The following TMEM132B variants were observed in gnomAD, a reference collection of about 807,000 sequenced individuals.
The protein encoded by TMEM132B is transmembrane protein 132B.
Under a neutral mutation model 90.8 loss-of-function variants are expected in TMEM132B, and 18 were observed. That is an observed-to-expected ratio of 0.20 (90% CI 0.14 to 0.29). TMEM132B has a LOEUF of 0.29. Among genes scored for constraint, TMEM132B ranks in the 10% least tolerant of loss-of-function variants. The probability of loss-of-function intolerance (pLI) is 1.00; values close to 1 mark genes in which losing one functional copy is unlikely to be tolerated. For missense variants in TMEM132B, 1,096 were observed against 1,326.8 expected, an observed-to-expected ratio of 0.83 and a Z score of 2.70; for synonymous variants, 504 against 523.3, an observed-to-expected ratio of 0.96 and a Z score of 0.50.
rs201319756 is a variant in TMEM132B, at chr12:125,332,426, A to AT, written c.68-17017dup. ...TTTTACTTTCTTTTATTCTTCATCA[A>AT]TTTTTTTTTCCCACAGACTTCTGTC... On this transcript the variant is annotated intron_variant, in intron 1 of 8. Coordinates refer to ENST00000682704, the MANE Select transcript of TMEM132B (RefSeq NM_001366854.1). Among the ~76,000 whole-genome samples the AT allele has an allele frequency of 1.0e-2, 1,503 of 150,928 alleles. 25 individuals carry two copies. The highest frequency in any genetic ancestry group is 0.035 in the African/African-American group (1,431 of 41,188).
intron 1 of TMEM132B, among the ~76,000 whole-genome samples, chr12:125,321,034 C>T (rs1383270789): frequency 1.3e-5 from 2 of 152,222 alleles, no homozygotes; most frequent in Non-Finnish European, 2.9e-5. Flanking sequence ...GATCCTGCCC[C>T]AGGCTCCGCT....
intron 1 of TMEM132B, among the ~76,000 whole-genome samples, chr12:125,200,629 G>T (rs1873033907): frequency 6.6e-6 from 1 of 152,228 alleles, no homozygotes; most frequent in Admixed American, 6.5e-5. Flanking sequence ...GTAGGGATCA[G>T]CACCCACTGA....
Position 125,650,921 on chromosome 12 carries a change from G to A in TMEM132B, c.1882G>A (p.Ala628Thr). The change falls in exon 7 of 9, where the codon GCT becomes ACT. Residue 628 changes from alanine to threonine, a missense_variant. By Grantham distance (58) the Ala-to-Thr change is moderately conservative. Coordinates refer to ENST00000682704, the MANE Select transcript of TMEM132B (RefSeq NM_001366854.1). ...IAQLQDGRTL[A>T]GREPGITTVQ... The stretch of plus-strand genomic sequence containing the variant: ...TCAGTTACAGGACGGCAGGACCCTG[G>A]CTGGTCGGGAGCCGGGAATAACCAC... 1 of 1,612,988 alleles carries A rather than the reference G, an allele frequency of 6.2e-7. No homozygotes were observed. Among genetic ancestry groups the A allele is most frequent in the East Asian group, 2.2e-5 (1 of 44,876 alleles).
chr12:125,202,947 G>T (rs549892397), intron 1 of TMEM132B, among the ~76,000 whole-genome samples: 5 of 152,206 alleles, frequency 3.3e-5, no homozygotes, highest in African/African-American at 9.6e-5. Flanking sequence ...TCTTAATTGG[G>T]TTTCTTTCAC....
At chr12:125,357,273 T>C (rs56785017) in intron 2 of TMEM132B, among the ~76,000 whole-genome samples, 1,886 of 152,328 alleles carry the variant, frequency 0.012, 43 homozygotes, top group African/African-American at 0.042. Flanking sequence ...TGTAATGTGA[T>C]TACTGATTCG....
intron 2 of TMEM132B, among the ~76,000 whole-genome samples, chr12:125,392,535 G>A (rs1027484397): frequency 6.6e-6 from 1 of 152,214 alleles, no homozygotes; most frequent in Non-Finnish European, 1.5e-5. Context: ...CCTAGGCATC[G>A]GGGTCTGGAG....
chr12:125,348,108 T>TA (rs1877420753), intron 1 of TMEM132B, among the ~76,000 whole-genome samples: 1 of 149,860 alleles, frequency 6.7e-6, no homozygotes, highest in African/African-American at 2.5e-5. Context: ...TTGTTTTTTT[T>TA]ACACTTTATT....
At chr12:125,595,562 G>T (rs1885420031) in intron 5 of TMEM132B, among the ~76,000 whole-genome samples, 1 of 152,136 alleles carries the variant, frequency 6.6e-6, no homozygotes, top group East Asian at 1.9e-4. Context: ...AAGTAACTGT[G>T]GTTTCTGCTA....
chr12:125,317,232 A>G (rs756739054), intron 1 of TMEM132B, among the ~76,000 whole-genome samples: 1 of 152,084 alleles, frequency 6.6e-6, no homozygotes, highest in Non-Finnish European at 1.5e-5. Context: ...TGAGAGGATT[A>G]GCATGGGTTG....
intron 4 of TMEM132B, among the ~76,000 whole-genome samples, chr12:125,561,881 A>G (rs1394593314): frequency 6.6e-6 from 1 of 152,176 alleles, no homozygotes. Context: ...GTAAATGAGC[A>G]CTGGCTTCAA....
intron 3 of TMEM132B, among the ~76,000 whole-genome samples, chr12:125,462,273 C>T (rs1881457132): frequency 6.6e-6 from 1 of 152,136 alleles, no homozygotes; most frequent in Non-Finnish European, 1.5e-5. Context: ...GACTCTTAGC[C>T]AATTTGATTC....
chr12:125,620,044 C>T (rs972561770), intron 5 of TMEM132B, among the ~76,000 whole-genome samples: 2 of 152,128 alleles, frequency 1.3e-5, no homozygotes, highest in East Asian at 3.9e-4. Flanking sequence ...GTAAGATGGG[C>T]ATCTTAATGG....
intron 1 of TMEM132B, among the ~76,000 whole-genome samples, chr12:125,199,458 T>C (rs1873005509): frequency 6.6e-6 from 1 of 152,074 alleles, no homozygotes; most frequent in South Asian, 2.1e-4. Flanking sequence ...GTTTGTAGGT[T>C]CTGGGGGGCT....
At chr12:125,451,084 A>G (rs1187530399) in intron 3 of TMEM132B, among the ~76,000 whole-genome samples, 3 of 152,210 alleles carry the variant, frequency 2.0e-5, no homozygotes, top group Non-Finnish European at 4.4e-5. Flanking sequence ...AAAGGAGACT[A>G]AAGGGATATG....
At chr12:125,311,253 G>A (rs184441254) in intron 1 of TMEM132B, among the ~76,000 whole-genome samples, 336 of 152,316 alleles carry the variant, frequency 2.2e-3, no homozygotes, top group Non-Finnish European at 3.6e-3. Context: ...CCGGGTCACC[G>A]TTACAAGAGC....
chr12:125,226,217 A>G lies in TMEM132B; in HGVS notation c.67+39351A>G, dbSNP rs1036694232. Among the ~76,000 whole-genome samples the G allele has an allele frequency of 1.4e-4, 21 of 152,316 alleles. 1 individual carries two copies. Among genetic ancestry groups the G allele is most frequent in the Admixed American group, 2.0e-4 (3 of 15,302 alleles). Reference sequence around the variant, plus strand: ...TCAAATTTGCATACGACAGAGTCACACAGAGTTGTGACAGAGCAAATAAAG... The same window carrying G: ...TCAAATTTGCATACGACAGAGTCACGCAGAGTTGTGACAGAGCAAATAAAG... On this transcript the variant is annotated intron_variant, in intron 1 of 8. Coordinates refer to ENST00000682704, the MANE Select transcript of TMEM132B (RefSeq NM_001366854.1).
In TMEM132B at chr12:125,660,809, T is replaced by C. The variant is rs564758808; in HGVS notation, c.*6099T>C. 1.1e-4 allele frequency: 16 copies of C among 152,216 alleles called. No homozygotes were observed. Among genetic ancestry groups the C allele is most frequent in the Non-Finnish European group, 1.9e-4 (13 of 68,044 alleles). 9.4% of individuals were successfully genotyped at this position (152,216 alleles called of 1,614,324 possible). A position where few individuals can be genotyped will look rare whatever the true frequency, so the allele number is the denominator to read the frequency against. On this transcript the variant is annotated 3_prime_UTR_variant, in exon 9 of 9. Transcript: ENST00000682704. The stretch of plus-strand genomic sequence containing the variant: ...CTTGGTCAGTTGTTCAAATGAAACA[T>C]TGTAATTTCATGTTAACGACAAGAG...
In TMEM132B at chr12:125,201,108, T is replaced by G. The variant is rs1593039424; in HGVS notation, c.67+14242T>G. Among the ~76,000 whole-genome samples, 4 of 152,250 alleles carry G rather than the reference T, an allele frequency of 2.6e-5. No homozygotes were observed. The South Asian group carries it at 8.3e-4, about 32-fold the overall frequency. On this transcript the variant is annotated intron_variant, in intron 1 of 8. Transcript: ENST00000682704. The stretch of plus-strand genomic sequence containing the variant: ...TTCTCTCTCCACCCACCACCCCCCA[T>G]GCCCAGCCCAGTTAAGTGTTTCTCT...
rs145040383 is a variant in TMEM132B, at chr12:125,573,461, C to A, written c.1294-10390C>A. On this transcript the variant is annotated intron_variant, in intron 4 of 8. Coordinates refer to ENST00000682704, the MANE Select transcript of TMEM132B (RefSeq NM_001366854.1). ...ACTAAAGCAGTTTTAGAATTGCTAA[C>A]CCATACTGCTGTGGAAAACAAACCT... Among the ~76,000 whole-genome samples, 30 of 152,324 alleles carry A rather than the reference C, an allele frequency of 2.0e-4. No individual in the cohort carries two copies. In the East Asian group the frequency reaches 3.9e-3, roughly 20 times the overall value.
Sources: allele counts gnomAD v4.1 joint callset (sites outside exome capture counted in the v4.1 genomes callset), GRCh38; gene constraint gnomAD v4.1.1; transcripts MANE v1.5; gene names NCBI Gene and HGNC (gene_info 2026-07-23, HGNC 2026-07-21).